The following NFX1 variants were observed in gnomAD, a reference collection of about 807,000 sequenced individuals.
The protein encoded by NFX1 is nuclear transcription factor, X-box binding 1.
NFX1 carries 69 observed loss-of-function variants against 137.2 expected under a neutral mutation model. That is an observed-to-expected ratio of 0.50 (90% CI 0.41 to 0.61). The LOEUF (loss-of-function observed/expected upper bound fraction) is 0.61, where lower values mean the gene tolerates loss of function less well. Among genes scored for constraint, NFX1 ranks in the 20% least tolerant of loss-of-function variants. NFX1 has a pLI of 0.00. For missense variants in NFX1, 1,167 were observed against 1,391.0 expected (o/e 0.84, Z 2.56); for synonymous variants, 495 against 474.1 (o/e 1.04, Z -0.57).
intron 19 of NFX1, among the ~76,000 whole-genome samples, chr9:33,359,577 C>T (rs831266): frequency 0.19 from 29,120 of 151,400 alleles, 3,061 homozygotes; most frequent in African/African-American, 0.26. Flanking sequence ...CTAGCCTAGA[C>T]GATACAGCAA....
intron 15 of NFX1, among the ~76,000 whole-genome samples, chr9:33,350,793 C>G (rs1216927122): frequency 6.6e-6 from 1 of 152,134 alleles, no homozygotes; most frequent in African/African-American, 2.4e-5. Flanking sequence ...AAGTTCAAGT[C>G]CAGCTTAGGC....
At chr9:33,339,337 A>C (rs2118554264) in intron 12 of NFX1, among the ~76,000 whole-genome samples, 1 of 152,312 alleles carries the variant, frequency 6.6e-6, no homozygotes, top group Non-Finnish European at 1.5e-5. Flanking sequence ...GGATAGCAGC[A>C]GGCAGAGAAA....
intron 11 of NFX1, among the ~76,000 whole-genome samples, chr9:33,337,406 G>C (rs1823047153): frequency 6.6e-6 from 1 of 152,144 alleles, no homozygotes; most frequent in African/African-American, 2.4e-5. Context: ...TTCAATATCT[G>C]TGGATTTTGA....
chr9:33,300,722 A>G (rs1457676918), intron 2 of NFX1, among the ~76,000 whole-genome samples: 3 of 152,234 alleles, frequency 2.0e-5, no homozygotes, highest in Non-Finnish European at 4.4e-5. Flanking sequence ...CTGTAACACC[A>G]CCATGGGGCT....
At chr9:33,324,928 CAA>C (rs1269732305) in intron 9 of NFX1, among the ~76,000 whole-genome samples, 16 of 70,766 alleles carry the variant, frequency 2.3e-4, no homozygotes, top group Admixed American at 3.5e-4. Context: ...GATTCCATCT[CAA>C]AAAAAAAAAA....
intron 1 of NFX1, among the ~76,000 whole-genome samples, chr9:33,294,144 A>G (rs1821259981): frequency 6.6e-6 from 1 of 152,210 alleles, no homozygotes; most frequent in Non-Finnish European, 1.5e-5. Flanking sequence ...GAATAGATGT[A>G]TACATAGTAC....
chr9:33,291,412 A>G (rs555635868), intron 1 of NFX1, among the ~76,000 whole-genome samples: 2 of 152,362 alleles, frequency 1.3e-5, no homozygotes, highest in East Asian at 3.9e-4. Context: ...GTTTAAAAAT[A>G]TGTCACAGCC....
At chr9:33,319,172 T>A in intron 9 of NFX1, 45 bp downstream of exon 9, 1 of 1,552,566 alleles carries the variant, frequency 6.4e-7, no homozygotes, top group Non-Finnish European at 8.9e-7. Context: ...TTATTGTAAA[T>A]GGTTGGCAGC....
At chr9:33,335,050 C>A (rs1822946353) in intron 11 of NFX1, among the ~76,000 whole-genome samples, 1 of 152,176 alleles carries the variant, frequency 6.6e-6, no homozygotes, top group Non-Finnish European at 1.5e-5. Context: ...TCTCAAATAT[C>A]ATTTCACCCA....
Position 33,318,907 on chromosome 9 carries a change from C to T in NFX1, c.1689-3C>T, listed in dbSNP as rs374577223. 1.6e-5 allele frequency: 26 copies of T among 1,614,088 alleles called. No individual in the cohort carries two copies. The highest frequency in any genetic ancestry group is 2.2e-5 in the Non-Finnish European group (26 of 1,180,020). On this transcript the variant is annotated splice_region_variant and splice_polypyrimidine_tract_variant and intron_variant, in intron 8 of 23. Transcript: ENST00000379540. ...ATTATGTAATAGTGTGTTTTCTTAA[C>T]AGGGACTTGAAATGCGGTAACCATA... is the stretch of plus-strand genomic sequence containing the variant.
chr9:33,307,136 A>G (rs1213585428), intron 4 of NFX1, 58 bp from the exon 5 acceptor site: 37 of 1,395,356 alleles, frequency 2.7e-5, no homozygotes, highest in Non-Finnish European at 3.6e-5. Flanking sequence ...CTGTTTCATT[A>G]AAGTTGAGAA....
At chr9:33,336,044 A>G (rs1251662652) in intron 11 of NFX1, among the ~76,000 whole-genome samples, 1 of 152,162 alleles carries the variant, frequency 6.6e-6, no homozygotes, top group Non-Finnish European at 1.5e-5. Flanking sequence ...TCTTTGGGGT[A>G]TATACCTAGG....
intron 23 of NFX1, among the ~76,000 whole-genome samples, chr9:33,368,011 A>G (rs554868778): frequency 6.6e-6 from 1 of 152,348 alleles, no homozygotes; most frequent in Non-Finnish European, 1.5e-5. Flanking sequence ...AGGCGGGTGG[A>G]TCACTTAAGG....
chr9:33,294,337 AT>A (rs1266610470), intron 1 of NFX1, 82 bp from the exon 2 acceptor site: 1 of 1,288,072 alleles, frequency 7.8e-7, no homozygotes, highest in Non-Finnish European at 1.1e-6. Flanking sequence ...AAGGAAAGTA[AT>A]TTTTAGATTT....
At chr9:33,348,234 CTACTT>C (rs1823504747) in intron 15 of NFX1, 1 of 152,036 alleles carries the variant, frequency 6.6e-6, no homozygotes, top group Admixed American at 6.6e-5. Context: ...GTAATCCCAG[CTACTT>C]TACTTGGGAG....
intron 11 of NFX1, among the ~76,000 whole-genome samples, chr9:33,334,007 C>T (rs1268606942): frequency 3.9e-5 from 6 of 152,018 alleles, no homozygotes; most frequent in African/African-American, 1.4e-4. Context: ...TAGCCAAGTA[C>T]AGTGGCGCAC....
At chr9:33,315,599 C>T (rs1822130681) in intron 7 of NFX1, among the ~76,000 whole-genome samples, 1 of 152,022 alleles carries the variant, frequency 6.6e-6, no homozygotes, top group South Asian at 2.1e-4. Flanking sequence ...CACACATCCT[C>T]TTAAAAGTGG....
intron 15 of NFX1, chr9:33,348,699 A>G: frequency 1.0e-6 from 1 of 954,664 alleles, no homozygotes; most frequent in African/African-American, 1.8e-5. Flanking sequence ...ATATCTATGA[A>G]ATGCAATAAA....
At chr9:33,326,465 T>C (rs1160516809) in intron 9 of NFX1, among the ~76,000 whole-genome samples, 1 of 139,212 alleles carries the variant, frequency 7.2e-6, no homozygotes, top group African/African-American at 2.6e-5. Flanking sequence ...TCACCTGTAA[T>C]CCCAGCTACT....
Sources: allele counts gnomAD v4.1 joint callset (sites outside exome capture counted in the v4.1 genomes callset), GRCh38; gene constraint gnomAD v4.1.1; transcripts MANE v1.5; gene names NCBI Gene and HGNC (gene_info 2026-07-23, HGNC 2026-07-21).